The following SLC35A1 variants were observed in gnomAD, a reference collection of about 807,000 sequenced individuals.
The protein encoded by SLC35A1 is solute carrier family 35 member A1.
A neutral mutation model predicts 40.3 loss-of-function variants in SLC35A1; 21 were observed. The ratio of observed to expected loss-of-function variants is 0.52; its 90% confidence interval spans 0.37 to 0.75. The LOEUF (loss-of-function observed/expected upper bound fraction) is 0.75, where lower values mean the gene tolerates loss of function less well. Among genes scored for constraint, SLC35A1 ranks in the 30% least tolerant of loss-of-function variants. SLC35A1 has a pLI of 0.00. For synonymous variants in SLC35A1, 146 were observed against 147.3 expected, an observed-to-expected ratio of 0.99 and a Z score of 0.06; for missense variants, 297 against 382.1, an observed-to-expected ratio of 0.78 and a Z score of 1.86.
intron 2 of SLC35A1, among the ~76,000 whole-genome samples, chr6:87,497,112 T>C (rs1215265796): frequency 6.6e-6 from 1 of 152,178 alleles, no homozygotes; most frequent in Non-Finnish European, 1.5e-5. Context: ...GATTCCCACA[T>C]ATTCTTTCCA....
In SLC35A1 at chr6:87,473,033, C is replaced by A. The variant is rs923074338; in HGVS notation, c.16+14C>A. 3 of 613,772 alleles carry A rather than the reference C, an allele frequency of 4.9e-6. No homozygotes were observed. Among genetic ancestry groups the A allele is most frequent in the African/African-American group, 3.9e-5 (2 of 51,874 alleles). 38.0% of individuals were successfully genotyped at this position (613,772 alleles called of 1,614,324 possible). On this transcript the variant is annotated intron_variant, in intron 1 of 7. Coordinates refer to ENST00000369552, the MANE Select transcript of SLC35A1 (RefSeq NM_006416.5). ...CTGCCCCGAGAGGTGAGAACTGGGT[C>A]TGCTGGGAGTGGGGAGTCCGCGGGG...
intron 2 of SLC35A1, among the ~76,000 whole-genome samples, chr6:87,498,442 TGAG>T (rs1037441069): frequency 7.2e-5 from 11 of 152,312 alleles, no homozygotes; most frequent in Middle Eastern, 3.4e-3. Flanking sequence ...GTTTTATAAT[TGAG>T]GAGAAAACAT....
At chr6:87,500,909 A>G (rs966523002) in intron 3 of SLC35A1, among the ~76,000 whole-genome samples, 7 of 151,914 alleles carry the variant, frequency 4.6e-5, no homozygotes, top group African/African-American at 1.7e-4. Context: ...CACCACACCC[A>G]GCTAATTTTT....
intron 2 of SLC35A1, among the ~76,000 whole-genome samples, chr6:87,487,905 C>A (rs1769432489): frequency 6.6e-6 from 1 of 152,080 alleles, no homozygotes. Context: ...GTTACAGATA[C>A]ATTTTAATGA....
intron 2 of SLC35A1, among the ~76,000 whole-genome samples, chr6:87,488,937 C>T (rs1000737800): frequency 6.6e-6 from 1 of 152,170 alleles, no homozygotes; most frequent in Non-Finnish European, 1.5e-5. Flanking sequence ...GGACAGAACC[C>T]ATGATGGCAA....
chr6:87,494,422 ATTTTT>A (rs61583010), intron 2 of SLC35A1, among the ~76,000 whole-genome samples: 1 of 132,816 alleles, frequency 7.5e-6, no homozygotes, highest in Non-Finnish European at 1.6e-5. Context: ...AAATATTTGA[ATTTTT>A]TTTTTTTTTT....
At chr6:87,498,313 A>G (rs1769804080) in intron 2 of SLC35A1, among the ~76,000 whole-genome samples, 2 of 152,090 alleles carry the variant, frequency 1.3e-5, no homozygotes, top group South Asian at 4.1e-4. Flanking sequence ...TGTAAAATTT[A>G]TATCTATGCT....
In SLC35A1 at chr6:87,472,981, C is replaced by T. The variant is rs752380932; in HGVS notation, c.-23C>T. The T allele has an allele frequency of 1.0e-4, 69 of 659,522 alleles. No homozygotes were observed. The Middle Eastern group carries it at 1.1e-3, about 11-fold the overall frequency. The allele number at this position is 659,522 out of a possible 1,614,324, so 40.9% of individuals were successfully genotyped here. A position where few individuals can be genotyped will look rare whatever the true frequency, so the allele number is the denominator to read the frequency against. On this transcript the variant is annotated 5_prime_UTR_variant, in exon 1 of 8. Transcript: ENST00000369552. The stretch of plus-strand genomic sequence containing the variant: ...GGCGCGGAGGGGGCGGGCGTCAGTT[C>T]CGCGGGGGGCTGTCGGGGAACCATG...
intron 1 of SLC35A1, among the ~76,000 whole-genome samples, chr6:87,476,746 T>C (rs1769083106): frequency 6.7e-6 from 1 of 149,822 alleles, no homozygotes. Flanking sequence ...AAAATATATG[T>C]CTGGCACGGT....
In SLC35A1 at chr6:87,511,766, G is replaced by A. The variant is rs9450722; in HGVS notation, c.*240G>A. ...TAGAATGAAGGAATTGTATTATTGT[G>A]TGTATATATAATTTGTAAATAAAAA... On this transcript the variant is annotated 3_prime_UTR_variant, in exon 8 of 8. Coordinates refer to ENST00000369552, the MANE Select transcript of SLC35A1 (RefSeq NM_006416.5). The A allele has an allele frequency of 1.4e-5, 7 of 497,568 alleles. No individual in the cohort carries two copies. Among genetic ancestry groups the A allele is most frequent in the Admixed American group, 6.5e-5 (2 of 30,966 alleles). The allele number at this position is 497,568 out of a possible 1,614,324, so 30.8% of individuals were successfully genotyped here.
intron 1 of SLC35A1, 83 bp from the exon 2 acceptor site, chr6:87,477,279 A>G: frequency 7.9e-7 from 1 of 1,258,580 alleles, no homozygotes; most frequent in Middle Eastern, 2.6e-4. Flanking sequence ...ATTGGAAAGT[A>G]TTTTTAGGCT....
At chr6:87,508,358 G>C in intron 5 of SLC35A1, 62 bp from the exon 6 acceptor site, 1 of 1,127,672 alleles carries the variant, frequency 8.9e-7, no homozygotes, top group Non-Finnish European at 1.3e-6. Flanking sequence ...TGTTCTAAAT[G>C]AAAGACATTT....
At chr6:87,476,927 G>A (rs1228214902) in intron 1 of SLC35A1, among the ~76,000 whole-genome samples, 1 of 152,212 alleles carries the variant, frequency 6.6e-6, no homozygotes, top group South Asian at 2.1e-4. Context: ...GCTGAGGCAC[G>A]AGAATCGCTT....
chr6:87,492,441 G>A (rs970809780), intron 2 of SLC35A1, among the ~76,000 whole-genome samples: 7 of 150,912 alleles, frequency 4.6e-5, no homozygotes, highest in Admixed American at 2.6e-4. Flanking sequence ...TAAATTTAGG[G>A]TTTTTTTGGG....
intron 6 of SLC35A1, 135 bp downstream of exon 6, chr6:87,508,731 T>C: frequency 1.1e-6 from 1 of 903,902 alleles, no homozygotes; most frequent in Admixed American, 2.7e-5. Context: ...ATAATTTTCA[T>C]TTTGTTGACT....
chr6:87,502,800 C>T (rs1769960197), intron 4 of SLC35A1, among the ~76,000 whole-genome samples: 1 of 152,070 alleles, frequency 6.6e-6, no homozygotes, highest in African/African-American at 2.4e-5. Context: ...TATCTTGTAT[C>T]CCTCTCACCC....
At chr6:87,496,501 CAGGCGTGGT>C (rs897035327) in intron 2 of SLC35A1, among the ~76,000 whole-genome samples, 2 of 151,824 alleles carry the variant, frequency 1.3e-5, no homozygotes, top group African/African-American at 4.8e-5. Context: ...AGTTGAGGGC[CAGGCGTGGT>C]GGCTTACGCC....
chr6:87,504,176 A>G (rs189246593), intron 4 of SLC35A1, among the ~76,000 whole-genome samples: 5 of 151,950 alleles, frequency 3.3e-5, no homozygotes. Flanking sequence ...CTGTAGTCCC[A>G]GCTACTTGGG....
chr6:87,508,579 A>C lies in SLC35A1; in HGVS notation c.734A>C (p.Tyr245Ser). 6.2e-7 allele frequency: 1 copy of C among 1,612,558 alleles called. No individual in the cohort carries two copies. Among genetic ancestry groups the C allele is most frequent in the Non-Finnish European group, 8.5e-7 (1 of 1,179,428 alleles). ...GGATTTTTCTATGGTTACACATATTATGTCTGGTTTGTCATCTGTAAGTAT... is the reference window on the plus strand; with the variant it reads ...GGATTTTTCTATGGTTACACATATTCTGTCTGGTTTGTCATCTGTAAGTAT... ...EKGFFYGYTY[Y>S]VWFVIFLASV... The change falls in exon 6 of 8, where the codon TAT becomes TCT. Residue 245 changes from tyrosine to serine, a missense_variant. Tyr to Ser is a moderately radical substitution (Grantham distance 144). Coordinates refer to ENST00000369552, the MANE Select transcript of SLC35A1 (RefSeq NM_006416.5).
Sources: allele counts gnomAD v4.1 joint callset (sites outside exome capture counted in the v4.1 genomes callset), GRCh38; gene constraint gnomAD v4.1.1; transcripts MANE v1.5; gene names NCBI Gene and HGNC (gene_info 2026-07-23, HGNC 2026-07-21).